Variants in TFEC observed in about 807,000 individuals in gnomAD.
The protein encoded by TFEC is class E basic helix-loop-helix protein 34.
TFEC carries 31 observed loss-of-function variants against 41.6 expected under a neutral mutation model. The ratio of observed to expected loss-of-function variants is 0.74; its 90% confidence interval spans 0.56 to 1.01. The LOEUF (loss-of-function observed/expected upper bound fraction) is 1.01. Ranked by LOEUF, TFEC falls within the 50% of genes least tolerant of loss-of-function variation. The pLI, the probability that TFEC is intolerant of heterozygous loss-of-function variation, is 0.00. For synonymous variants in TFEC, 143 were observed against 140.6 expected, an observed-to-expected ratio of 1.02 and a Z score of -0.12; for missense variants, 402 against 404.1, an observed-to-expected ratio of 0.99 and a Z score of 0.04.
chr7:116,004,990 G>C (rs1794734050), intron 1 of TFEC, among the ~76,000 whole-genome samples: 1 of 152,122 alleles, frequency 6.6e-6, no homozygotes, highest in African/African-American at 2.4e-5. Context: ...ATAAGGGGGA[G>C]TTTCCCTGCA....
intron 3 of TFEC, among the ~76,000 whole-genome samples, chr7:115,973,063 G>T (rs1293868717): frequency 6.6e-6 from 1 of 151,688 alleles, no homozygotes; most frequent in Non-Finnish European, 1.5e-5. Flanking sequence ...AAAAAAGGTA[G>T]AGTCATCATT....
chr7:116,112,945 T>A (rs1301423363), intron 1 of TFEC, among the ~76,000 whole-genome samples: 1 of 151,966 alleles, frequency 6.6e-6, no homozygotes, highest in Non-Finnish European at 1.5e-5. Flanking sequence ...GTGAGCTTGA[T>A]TTTTAGGCAT....
At chr7:116,052,427 GGTTT>G (rs569201949) in intron 3 of TFEC, among the ~76,000 whole-genome samples, 5 of 151,910 alleles carry the variant, frequency 3.3e-5, no homozygotes, top group Admixed American at 6.6e-5. Context: ...TAAGTTGTTT[GGTTT>G]GTTTGTTTGT....
chr7:116,047,410 A>T (rs529509021), intron 3 of TFEC, among the ~76,000 whole-genome samples: 1 of 152,234 alleles, frequency 6.6e-6, no homozygotes, highest in East Asian at 1.9e-4. Context: ...CTGCTAGCAC[A>T]GCAGTCTGAG....
intron 3 of TFEC, among the ~76,000 whole-genome samples, chr7:116,070,284 C>T (rs1360163936): frequency 1.3e-5 from 2 of 151,356 alleles, no homozygotes; most frequent in Non-Finnish European, 3.0e-5. Flanking sequence ...CAAGTATATT[C>T]ATTTATTACT....
At chr7:116,141,939 G>A (rs1798549844) in intron 1 of TFEC, among the ~76,000 whole-genome samples, 1 of 152,154 alleles carries the variant, frequency 6.6e-6, no homozygotes, top group Non-Finnish European at 1.5e-5. Context: ...GGTCATTTTT[G>A]TGGTTTGCAC....
At chr7:115,953,060 A>C (rs1193753590) in intron 5 of TFEC, among the ~76,000 whole-genome samples, 1 of 152,020 alleles carries the variant, frequency 6.6e-6, no homozygotes, top group Non-Finnish European at 1.5e-5. Context: ...AGTTCTGACC[A>C]ATGGGCAGTT....
chr7:115,978,316 G>A (rs909782316), intron 2 of TFEC, among the ~76,000 whole-genome samples: 14 of 152,110 alleles, frequency 9.2e-5, no homozygotes, highest in African/African-American at 1.9e-4. Flanking sequence ...TCATGAACAC[G>A]TATACACCTA....
intron 2 of TFEC, among the ~76,000 whole-genome samples, chr7:115,980,036 C>A (rs893034633): frequency 6.6e-6 from 1 of 152,178 alleles, no homozygotes; most frequent in African/African-American, 2.4e-5. Flanking sequence ...GTTCCCACAG[C>A]AGATCCATTG....
intron 1 of TFEC, among the ~76,000 whole-genome samples, chr7:116,159,397 A>ATTATTT: frequency 6.6e-6 from 1 of 152,122 alleles, no homozygotes; most frequent in South Asian, 2.1e-4. Context: ...TATATTTTCA[A>ATTATTT]CCAATTCTTC....
intron 1 of TFEC, among the ~76,000 whole-genome samples, chr7:116,158,373 C>T (rs1798911437): frequency 6.6e-6 from 1 of 151,946 alleles, no homozygotes; most frequent in African/African-American, 2.4e-5. Flanking sequence ...AAAAGAAATA[C>T]CTAAACTGAG....
chr7:115,979,592 T>C (rs2130642558), intron 2 of TFEC, among the ~76,000 whole-genome samples: 1 of 152,292 alleles, frequency 6.6e-6, no homozygotes, highest in Non-Finnish European at 1.5e-5. Flanking sequence ...AGTTCTTTTT[T>C]GAGAAATAGA....
At chr7:116,011,713 G>C (rs1239759898) in intron 1 of TFEC, among the ~76,000 whole-genome samples, 2 of 152,158 alleles carry the variant, frequency 1.3e-5, no homozygotes, top group African/African-American at 2.4e-5. Flanking sequence ...CAGTGTTGGA[G>C]GAGGACCTAG....
chr7:116,111,032 A>G (rs552536948), intron 2 of TFEC: 1 of 519,370 alleles, frequency 1.9e-6, no homozygotes, highest in African/African-American at 2.0e-5. Context: ...ATGATAAGGG[A>G]GGTATTTGAA....
At chr7:116,153,355 G>C (rs1359643548) in intron 1 of TFEC, among the ~76,000 whole-genome samples, 2 of 152,150 alleles carry the variant, frequency 1.3e-5, no homozygotes, top group East Asian at 1.9e-4. Flanking sequence ...CTGTGTTCAA[G>C]GGATTCTCCT....
intron 1 of TFEC, among the ~76,000 whole-genome samples, chr7:115,989,320 T>C (rs1213430054): frequency 6.6e-6 from 1 of 152,164 alleles, no homozygotes; most frequent in Non-Finnish European, 1.5e-5. Context: ...AGTCTACAAC[T>C]CCCAGCGTGA....
intron 1 of TFEC, 70 bp from the exon 2 acceptor site, chr7:115,984,583 A>G (rs1793771703): frequency 1.3e-6 from 2 of 1,531,142 alleles, no homozygotes; most frequent in Admixed American, 2.0e-5. Context: ...CCTTTCCACA[A>G]TTGCACTAGG....
intron 3 of TFEC, among the ~76,000 whole-genome samples, chr7:116,041,329 A>G (rs560678008): frequency 1.6e-4 from 24 of 152,300 alleles, no homozygotes; most frequent in African/African-American, 5.3e-4. Flanking sequence ...TGCTAGAGAG[A>G]GAAAGCCAAC....
chr7:116,104,924 C>T lies in TFEC; in HGVS notation c.198+5784G>A, dbSNP rs186933067. 1.2e-4 allele frequency among the ~76,000 whole-genome samples: 18 copies of T among 152,226 alleles called. No individual in the cohort carries two copies. In the East Asian group the frequency reaches 2.9e-3, roughly 25 times the overall value. On this transcript the variant is annotated intron_variant, in intron 3 of 8. Coordinates refer to the TFEC transcript ENST00000484212. ...CAACTAGAAAATGAGATCTAAACAT[C>T]GAAGACTTAGCTACTGAGGCTGTGA...
Sources: allele counts gnomAD v4.1 joint callset (sites outside exome capture counted in the v4.1 genomes callset), GRCh38; gene constraint gnomAD v4.1.1; transcripts MANE v1.5; gene names NCBI Gene and HGNC (gene_info 2026-07-23, HGNC 2026-07-21).